The following MACROD2 variants were observed in gnomAD, a reference collection of about 807,000 sequenced individuals.
MACROD2 encodes the protein mono-ADP ribosylhydrolase 2.
A neutral mutation model predicts 70.4 loss-of-function variants in MACROD2; 36 were observed. The observed-to-expected ratio is 0.51, with a 90% CI of 0.39 to 0.68. MACROD2 has a LOEUF of 0.68. Among genes scored for constraint, MACROD2 ranks in the 30% least tolerant of loss-of-function variants. MACROD2 has a pLI of 0.00. For synonymous variants in MACROD2, 172 were observed against 178.8 expected (o/e 0.96, Z 0.30); for missense variants, 496 against 538.4 (o/e 0.92, Z 0.78).
intron 5 of MACROD2, among the ~76,000 whole-genome samples, chr20:14,777,491 T>A (rs2072248622): frequency 6.6e-6 from 1 of 152,020 alleles, no homozygotes; most frequent in African/African-American, 2.4e-5. Flanking sequence ...TGGCTTCATA[T>A]ATTTTGGTGG....
intron 3 of MACROD2, among the ~76,000 whole-genome samples, chr20:14,117,726 T>C (rs1040446320): frequency 6.6e-6 from 1 of 152,256 alleles, no homozygotes; most frequent in Non-Finnish European, 1.5e-5. Flanking sequence ...CATGTTTGCT[T>C]TTCTCATGCC....
chr20:14,367,899 A>C (rs204639), intron 3 of MACROD2, among the ~76,000 whole-genome samples: 98,588 of 152,032 alleles, frequency 0.65, 32,766 homozygotes, highest in Non-Finnish European at 0.72. Context: ...CTTATGACAT[A>C]TATGTTGGTG....
At position 15,599,353 on chromosome 20, in the gene MACROD2, C is replaced by T. The variant is rs554148433; in HGVS notation, c.645+99506C>T. 3.3e-5 allele frequency among the ~76,000 whole-genome samples: 5 copies of T among 152,166 alleles called. No individual in the cohort carries two copies. In the South Asian group the frequency reaches 1.0e-3, roughly 32 times the overall value. On this transcript the variant is annotated intron_variant, in intron 8 of 17. Transcript: ENST00000684519. ...GTTGCAGTGAGCCGAGATCGCGCCA[C>T]TGCACTCCAGTCTGGCGACAGAGCA...
intron 5 of MACROD2, among the ~76,000 whole-genome samples, chr20:15,144,580 T>TG (rs1331087956): frequency 2.6e-5 from 4 of 152,196 alleles, no homozygotes; most frequent in Non-Finnish European, 5.9e-5. Context: ...TCAACATTAA[T>TG]GTATTTTGTT....
Position 14,326,204 on chromosome 20 carries a change from C to T in MACROD2, c.272-167275C>T. ...AGTTTAAGCCAGCTGAGTCTCAAAG[C>T]AGTCATAGGTAGAGCAAGTTTCCAA... On this transcript the variant is annotated intron_variant, in intron 3 of 17. Coordinates refer to ENST00000684519, the MANE Select transcript of MACROD2 (RefSeq NM_001351661.2). The surrounding 1 kb of genome is among the most constrained non-coding windows in gnomAD (Gnocchi z 5.5). 2 of 1,613,890 alleles carry T rather than the reference C, an allele frequency of 1.2e-6. No homozygotes were observed. The highest frequency in any genetic ancestry group is 1.3e-5 in the African/African-American group (1 of 75,004).
At chr20:15,878,304 A>G (rs1029654577) in intron 9 of MACROD2, among the ~76,000 whole-genome samples, 2 of 151,970 alleles carry the variant, frequency 1.3e-5, no homozygotes, top group African/African-American at 2.4e-5. Context: ...TTGGACATCT[A>G]CTCTTTTGAA....
chr20:15,647,860 C>T (rs1283904465), intron 8 of MACROD2, among the ~76,000 whole-genome samples: 1 of 151,930 alleles, frequency 6.6e-6, no homozygotes, highest in Non-Finnish European at 1.5e-5. Context: ...GCTGGAACTA[C>T]AGGCGTGCAC....
intron 5 of MACROD2, among the ~76,000 whole-genome samples, chr20:15,221,828 A>G (rs1213632391): frequency 6.6e-6 from 1 of 152,256 alleles, no homozygotes; most frequent in African/African-American, 2.4e-5. Flanking sequence ...TAATAACATT[A>G]TCACATTCTC....
At chr20:14,780,826 G>A (rs958159501) in intron 5 of MACROD2, among the ~76,000 whole-genome samples, 8 of 151,932 alleles carry the variant, frequency 5.3e-5, no homozygotes, top group Admixed American at 1.3e-4. Context: ...CAAAATCTAG[G>A]ATCTTTATAA....
intron 6 of MACROD2, among the ~76,000 whole-genome samples, chr20:15,426,336 C>G (rs2046297737): frequency 6.6e-6 from 1 of 151,684 alleles, no homozygotes; most frequent in African/African-American, 2.4e-5. Context: ...ACTCTTAAGT[C>G]AAATTTATTT....
chr20:14,558,701 T>A (rs1394232649), intron 4 of MACROD2, among the ~76,000 whole-genome samples: 1 of 151,730 alleles, frequency 6.6e-6, no homozygotes, highest in Non-Finnish European at 1.5e-5. Context: ...AATGAAACAT[T>A]ACATCTAAAT....
At chr20:14,241,560 A>T (rs746940029) in intron 3 of MACROD2, among the ~76,000 whole-genome samples, 2 of 152,130 alleles carry the variant, frequency 1.3e-5, no homozygotes, top group African/African-American at 4.8e-5. Flanking sequence ...GCATATATGT[A>T]TATATATGTA....
intron 7 of MACROD2, among the ~76,000 whole-genome samples, chr20:15,497,717 G>T (rs1166969967): frequency 1.3e-5 from 2 of 152,028 alleles, no homozygotes; most frequent in African/African-American, 4.8e-5. Context: ...TGTCTCCTTG[G>T]TTCCCCATTT....
At chr20:15,765,952 G>A (rs1325897302) in intron 8 of MACROD2, among the ~76,000 whole-genome samples, 1 of 152,050 alleles carries the variant, frequency 6.6e-6, no homozygotes, top group Non-Finnish European at 1.5e-5. Context: ...AAATATTCTG[G>A]AGAGAGAGAG....
chr20:14,303,648 C>T (rs987294703), intron 3 of MACROD2, among the ~76,000 whole-genome samples: 2 of 152,194 alleles, frequency 1.3e-5, no homozygotes, highest in African/African-American at 4.8e-5. Context: ...ATAACTAGTA[C>T]TTAATATGCA....
intron 3 of MACROD2, among the ~76,000 whole-genome samples, chr20:14,233,299 C>T (rs769947776): frequency 7.2e-5 from 11 of 152,204 alleles, no homozygotes; most frequent in Non-Finnish European, 1.3e-4. Context: ...CTTGATGCAG[C>T]GTTGCCACAG....
intron 4 of MACROD2, among the ~76,000 whole-genome samples, chr20:14,675,479 A>C (rs1483713186): frequency 6.6e-6 from 1 of 152,166 alleles, no homozygotes; most frequent in Non-Finnish European, 1.5e-5. Flanking sequence ...AGGAGAAATA[A>C]AATCCTTTAC....
intron 6 of MACROD2, among the ~76,000 whole-genome samples, chr20:15,313,033 G>T (rs2077770200): frequency 1.3e-5 from 2 of 151,942 alleles, no homozygotes; most frequent in Admixed American, 1.3e-4. Context: ...ATATTTATAT[G>T]TTTGCATATA....
intron 6 of MACROD2, among the ~76,000 whole-genome samples, chr20:15,273,126 G>A (rs866904552): frequency 6.6e-6 from 1 of 152,138 alleles, no homozygotes. Context: ...GTTGCCAAAA[G>A]AGATTAACAT....
Sources: gnomAD v4.1 joint callset for allele counts (sites outside exome capture counted in the v4.1 genomes callset) on GRCh38, gnomAD v4.1.1 for gene constraint, Gnocchi (gnomAD v3.1) non-coding constraint, MANE v1.5 for transcripts, NCBI Gene and HGNC (gene_info 2026-07-23, HGNC 2026-07-21) for gene names.